The following TGFBI variants were observed in gnomAD, a reference collection of about 807,000 sequenced individuals.
The protein encoded by TGFBI is transforming growth factor beta induced.
Under a neutral mutation model 73.7 loss-of-function variants are expected in TGFBI, and 50 were observed. The ratio of observed to expected loss-of-function variants is 0.68; its 90% CI spans 0.54 to 0.86. The LOEUF is 0.86. Ranked by LOEUF, TGFBI falls within the 40% of genes least tolerant of loss-of-function variation. The pLI is 0.00. For synonymous variants in TGFBI, 362 were observed against 360.5 expected (o/e 1.00, Z -0.05); for missense variants, 839 against 877.0 (o/e 0.96, Z 0.55).
intron 3 of TGFBI, among the ~76,000 whole-genome samples, 186 bp downstream of exon 3, chr5:136,044,308 C>A (rs536432239): frequency 1.3e-5 from 2 of 152,266 alleles, no homozygotes; most frequent in Non-Finnish European, 2.9e-5. Context: ...CTGGAAACAG[C>A]GCATTTCCTG....
chr5:136,058,979 G>T, intron 12 of TGFBI, 111 bp from the exon 13 acceptor site: 1 of 1,364,050 alleles, frequency 7.3e-7, no homozygotes, highest in Non-Finnish European at 9.9e-7. Flanking sequence ...CCTGGGCAGG[G>T]AGTTCTTCAT....
chr5:136,049,505 C>G lies in TGFBI; in HGVS notation c.838C>G (p.Pro280Ala). 2 of 1,613,970 alleles carry G rather than the reference C, an allele frequency of 1.2e-6. No individual in the cohort carries two copies. The highest frequency in any genetic ancestry group is 1.7e-6 in the Non-Finnish European group (2 of 1,179,882). The change falls in exon 7 of 17, where the codon CCG becomes GCG. Residue 280 changes from proline to alanine, a missense_variant. Transcript: ENST00000442011. ...EGNGQYTLLA[P>A]TNEAFEKIPS... ...TAACGGCCAGTACACGCTTTTGGCC[C>G]CGACCAATGAGGCCTTCGAGAAGAT...
At chr5:136,041,665 T>C (rs1209086908) in intron 2 of TGFBI, among the ~76,000 whole-genome samples, 1 of 152,092 alleles carries the variant, frequency 6.6e-6, no homozygotes, top group East Asian at 1.9e-4. Context: ...CTATCCTGAG[T>C]TACTCTACTC....
rs572196604 is a variant in TGFBI, at chr5:136,051,014, A to G, written c.913+1434A>G. Among the ~76,000 whole-genome samples, 3 of 152,362 alleles carry G rather than the reference A, an allele frequency of 2.0e-5. No homozygotes were observed. In the South Asian group the frequency reaches 6.2e-4, roughly 32 times the overall value. On this transcript the variant is annotated intron_variant, in intron 7 of 16. Coordinates refer to ENST00000442011, the MANE Select transcript of TGFBI (RefSeq NM_000358.3). ...TGAGTGCAATGACAGAGATACTCAC[A>G]GCACAAAATGGGGAATGAGGGCGGG...
In TGFBI at chr5:136,047,236, T is replaced by A. The variant is rs562164420; in HGVS notation, c.625-38T>A. On this transcript the variant is annotated intron_variant, in intron 5 of 16. Transcript: ENST00000442011. ...CCGGGGCTTTGGGACTATGCCTCTGTTGTGTTGACTGCTCATCCTTGCTGC... is the reference window on the plus strand; with the variant it reads ...CCGGGGCTTTGGGACTATGCCTCTGATGTGTTGACTGCTCATCCTTGCTGC... The A allele has an allele frequency of 9.3e-6, 15 of 1,610,510 alleles. No individual in the cohort carries two copies. The African/African-American group carries it at 1.2e-4, about 13-fold the overall frequency.
chr5:136,046,952 C>A lies in TGFBI; in HGVS notation c.561C>A (p.His187Gln). ...GAGTCCTGACTGATGAGCTGAAACA[C>A]GGCATGACCCTCACCTCTATGTACC... ...GRRVLTDELK[H>Q]GMTLTSMYQN... The change falls in exon 5 of 17, where the codon CAC becomes CAA. Residue 187 changes from histidine to glutamine, a missense_variant. His to Gln is a conservative substitution (Grantham distance 24). Transcript: ENST00000442011. 1.2e-6 allele frequency: 2 copies of A among 1,613,808 alleles called. No homozygotes were observed. Among genetic ancestry groups the A allele is most frequent in the Non-Finnish European group, 8.5e-7 (1 of 1,179,876 alleles).
At position 136,060,929 on chromosome 5, in the gene TGFBI, G is replaced by C. The variant is rs1361892982; in HGVS notation, c.1899G>C (p.Gln633His). 4 of 1,572,794 alleles carry C rather than the reference G, an allele frequency of 2.5e-6. No individual in the cohort carries two copies. The highest frequency in any genetic ancestry group is 2.6e-6 in the Non-Finnish European group (3 of 1,152,984). ...TCCATGTCATCACCAATGTTCTGCA[G>C]CCTCCAGGTAAGTGTCGCATCCCCA... ...GVVHVITNVL[Q>H]PPANRPQERG... The change falls in exon 14 of 17, where the codon CAG becomes CAC. Residue 633 changes from glutamine (Q) to histidine (H), a missense_variant. Physicochemically the swap from Gln to His is conservative, Grantham distance 24. Transcript: ENST00000442011.
At chr5:136,061,043 T>G (rs1279675100) in intron 14 of TGFBI, 107 bp downstream of exon 14, 1 of 828,628 alleles carries the variant, frequency 1.2e-6, no homozygotes, top group Non-Finnish European at 1.8e-6. Flanking sequence ...AACATGTAAT[T>G]GTGATAGTTA....
chr5:136,054,902 T>C, intron 10 of TGFBI, 41 bp downstream of exon 10: 1 of 1,602,910 alleles, frequency 6.2e-7, no homozygotes, highest in Non-Finnish European at 8.5e-7. Context: ...GGAAGCTCCT[T>C]ACTGTGGGAC....
At chr5:136,055,037 G>T in intron 10 of TGFBI, 176 bp downstream of exon 10, 1 of 784,910 alleles carries the variant, frequency 1.3e-6, no homozygotes, top group Non-Finnish European at 2.0e-6. Flanking sequence ...AGAAGGATTG[G>T]AATCTCTTTT....
At chr5:136,049,624 A>G (rs773255754) in intron 7 of TGFBI, 44 bp downstream of exon 7, 2 of 1,592,070 alleles carry the variant, frequency 1.3e-6, no homozygotes, top group South Asian at 2.3e-5. Flanking sequence ...TTGTGCAGCT[A>G]GATTGAGCCC....
chr5:136,059,411 A>G (rs750764944), intron 13 of TGFBI, among the ~76,000 whole-genome samples, 197 bp downstream of exon 13: 1 of 152,236 alleles, frequency 6.6e-6, no homozygotes. Context: ...GTTAGACATG[A>G]GTAAGAACTT....
chr5:136,045,502 G>A (rs1011411357), intron 3 of TGFBI, among the ~76,000 whole-genome samples: 2 of 152,088 alleles, frequency 1.3e-5, no homozygotes, highest in African/African-American at 4.8e-5. Flanking sequence ...CTGAGATAGG[G>A]CCGTTGCACT....
At chr5:136,054,934 T>C in intron 10 of TGFBI, 73 bp downstream of exon 10, 1 of 1,528,792 alleles carries the variant, frequency 6.5e-7, no homozygotes, top group Non-Finnish European at 8.9e-7. Context: ...TAAAAAAAAA[T>C]GTCCTCAATA....
chr5:136,062,133 C>A (rs1385848930), intron 15 of TGFBI, among the ~76,000 whole-genome samples: 2 of 152,140 alleles, frequency 1.3e-5, no homozygotes, highest in Non-Finnish European at 2.9e-5. Context: ...TCCTGCTCCC[C>A]AGCTTGCCCA....
At chr5:136,043,069 A>G (rs1305928343) in intron 2 of TGFBI, among the ~76,000 whole-genome samples, 4 of 152,220 alleles carry the variant, frequency 2.6e-5, no homozygotes, top group Non-Finnish European at 5.9e-5. Flanking sequence ...CTCAAAGGGC[A>G]TATTCATATA....
chr5:136,056,453 T>A (rs1751633248), intron 11 of TGFBI: 2 of 582,598 alleles, frequency 3.4e-6, no homozygotes, highest in Non-Finnish European at 6.0e-6. Context: ...TAACAGAGCT[T>A]AGCATTTTTG....
chr5:136,051,333 G>A (rs1318850331), intron 7 of TGFBI, among the ~76,000 whole-genome samples: 1 of 152,074 alleles, frequency 6.6e-6, no homozygotes, highest in Non-Finnish European at 1.5e-5. Flanking sequence ...AGGAGGCTGA[G>A]GTAGGAGAAT....
chr5:136,049,264 G>C, intron 6 of TGFBI, 175 bp from the exon 7 acceptor site: 1 of 775,466 alleles, frequency 1.3e-6, no homozygotes, highest in Non-Finnish European at 2.0e-6. Context: ...CTCAGGCCCA[G>C]CAAGGCCCCC....
Sources: allele counts gnomAD v4.1 joint callset (sites outside exome capture counted in the v4.1 genomes callset), GRCh38; gene constraint gnomAD v4.1.1; transcripts MANE v1.5; gene names NCBI Gene and HGNC (gene_info 2026-07-23, HGNC 2026-07-21).